RCAN2: variants seen among roughly 807,000 people sequenced by gnomAD.
The protein encoded by RCAN2 is calcipressin-2.
RCAN2 carries 9 observed loss-of-function variants against 23.6 expected under a neutral mutation model. That is an observed-to-expected ratio of 0.38 (90% CI 0.23 to 0.67). The LOEUF (loss-of-function observed/expected upper bound fraction) is 0.67. Among genes scored for constraint, RCAN2 ranks in the 30% least tolerant of loss-of-function variants. RCAN2 has a pLI of 0.51. For missense variants in RCAN2, 273 were observed against 302.3 expected (o/e 0.90, Z 0.72); for synonymous variants, 109 against 115.7 (o/e 0.94, Z 0.37).
At chr6:46,371,652 A>G (rs1187185309) in intron 2 of RCAN2, among the ~76,000 whole-genome samples, 1 of 152,270 alleles carries the variant, frequency 6.6e-6, no homozygotes, top group Admixed American at 6.5e-5. Flanking sequence ...TGAAGGCTAG[A>G]TGCCCATAGT....
Position 46,420,160 on chromosome 6 carries a change from C to T in RCAN2, c.225+36592G>A, listed in dbSNP as rs145114132. Among the ~76,000 whole-genome samples, 801 of 151,562 alleles carry T rather than the reference C, an allele frequency of 5.3e-3. 7 individuals carry two copies. Among genetic ancestry groups the T allele is most frequent in the African/African-American group, 0.018 (756 of 41,310 alleles). The stretch of plus-strand genomic sequence containing the variant: ...AACAGAGTACAGATTATAAGCCATA[C>T]AACCCTCACATTAAAAAAAAAAACA... On this transcript the variant is annotated intron_variant, in intron 2 of 4. Coordinates refer to ENST00000371374, the MANE Select transcript of RCAN2 (RefSeq NM_001251974.2).
rs1301995929 is a variant in RCAN2 at position 46,224,644 on chromosome 6, G to GAATCTGCTATTCT, written c.572-1356_572-1344dup. On this transcript the variant is annotated intron_variant, in intron 4 of 4. Transcript: ENST00000371374. ...CAAAGCTAGACCCGATGCAGCCCAG[G>GAATCTGCTATTCT]AATCTGCTATTCTCAGTCTAAGTGC... Among the ~76,000 whole-genome samples, 14 of 152,276 alleles carry GAATCTGCTATTCT rather than the reference G, an allele frequency of 9.2e-5. No individual in the cohort carries two copies. In the East Asian group the frequency reaches 2.1e-3, roughly 23 times the overall value.
At chr6:46,383,070 G>T (rs1450138068) in intron 2 of RCAN2, among the ~76,000 whole-genome samples, 1 of 151,972 alleles carries the variant, frequency 6.6e-6, no homozygotes, top group Non-Finnish European at 1.5e-5. Context: ...ATTTCTATCA[G>T]GAACTTGAAC....
intron 2 of RCAN2, chr6:46,438,474 T>C (rs1767435086): frequency 6.6e-6 from 1 of 152,114 alleles, no homozygotes; most frequent in African/African-American, 2.4e-5. Context: ...GAGTGACACA[T>C]CATGGAGCTC....
intron 2 of RCAN2, among the ~76,000 whole-genome samples, chr6:46,334,770 C>G (rs1375217892): frequency 6.6e-6 from 1 of 152,196 alleles, no homozygotes; most frequent in African/African-American, 2.4e-5. Context: ...AGATACCTTA[C>G]AGCTAATCAC....
rs752295755 is a variant in RCAN2 at position 46,444,497 on chromosome 6, T to C, written c.225+12255A>G. Among the ~76,000 whole-genome samples, 6 of 152,262 alleles carry C rather than the reference T, an allele frequency of 3.9e-5. No homozygotes were observed. The South Asian group carries it at 8.3e-4, about 21-fold the overall frequency. ...GCTCTAGTCATCATGCTGGTACCCATGGACTCAGCATCCAGGCAAGCACCT... is the reference window on the plus strand; with the variant it reads ...GCTCTAGTCATCATGCTGGTACCCACGGACTCAGCATCCAGGCAAGCACCT... On this transcript the variant is annotated intron_variant, in intron 2 of 4. Coordinates refer to ENST00000371374, the MANE Select transcript of RCAN2 (RefSeq NM_001251974.2).
intron 2 of RCAN2, among the ~76,000 whole-genome samples, chr6:46,271,074 A>C (rs965818958): frequency 1.6e-4 from 25 of 152,322 alleles, no homozygotes; most frequent in African/African-American, 4.8e-4. Flanking sequence ...TTTTGGGGCA[A>C]TTTGCTACCT....
chr6:46,227,101 A>G (rs1197851532), intron 4 of RCAN2, among the ~76,000 whole-genome samples: 1 of 152,096 alleles, frequency 6.6e-6, no homozygotes, highest in Non-Finnish European at 1.5e-5. Context: ...ATTGATTTGC[A>G]CATGTTGAAC....
At chr6:46,317,666 C>T (rs970754235) in intron 2 of RCAN2, among the ~76,000 whole-genome samples, 4 of 152,048 alleles carry the variant, frequency 2.6e-5, no homozygotes, top group Admixed American at 6.6e-5. Context: ...GGGGTTTCAC[C>T]GTGTTAGCCA....
chr6:46,390,926 C>T (rs1765913942), intron 2 of RCAN2, among the ~76,000 whole-genome samples: 1 of 152,140 alleles, frequency 6.6e-6, no homozygotes, highest in African/African-American at 2.4e-5. Flanking sequence ...ACTTGGGTAT[C>T]ACAGCAGCCA....
intron 2 of RCAN2, among the ~76,000 whole-genome samples, chr6:46,430,584 T>C (rs1767167951): frequency 6.6e-6 from 1 of 152,186 alleles, no homozygotes; most frequent in Non-Finnish European, 1.5e-5. Flanking sequence ...ATGCACTCAC[T>C]TTTATAATTT....
Position 46,231,099 on chromosome 6 carries a change from T to C in RCAN2, c.572-7798A>G, listed in dbSNP as rs780185887. ...CTAGTAGCTGTGAAAGTAACTTTAT[T>C]TGGACCTAAGGTCTTTGCAGATGAT... On this transcript the variant is annotated intron_variant, in intron 4 of 4. Coordinates refer to ENST00000371374, the MANE Select transcript of RCAN2 (RefSeq NM_001251974.2). Among the ~76,000 whole-genome samples, 141 of 152,274 alleles carry C rather than the reference T, an allele frequency of 9.3e-4. 1 individual carries two copies. The highest frequency in any genetic ancestry group is 1.9e-3 in the South Asian group (9 of 4,816).
intron 4 of RCAN2, among the ~76,000 whole-genome samples, chr6:46,242,663 T>C (rs1766348498): frequency 6.6e-6 from 1 of 152,210 alleles, no homozygotes; most frequent in South Asian, 2.1e-4. Flanking sequence ...CAATTAGTTA[T>C]AATTTGTTAC....
chr6:46,321,600 A>G (rs192546079), intron 2 of RCAN2, among the ~76,000 whole-genome samples: 37 of 152,330 alleles, frequency 2.4e-4, no homozygotes, highest in Admixed American at 1.0e-3. Flanking sequence ...CAATCTAGAG[A>G]GAAGGAACCC....
chr6:46,451,429 A>G (rs1330561359), intron 2 of RCAN2, among the ~76,000 whole-genome samples: 1 of 152,170 alleles, frequency 6.6e-6, no homozygotes, highest in Non-Finnish European at 1.5e-5. Context: ...GTCAGATTTT[A>G]ATGAAGTGAT....
intron 2 of RCAN2, among the ~76,000 whole-genome samples, chr6:46,269,201 T>A (rs1314957936): frequency 6.6e-6 from 1 of 152,232 alleles, no homozygotes; most frequent in Non-Finnish European, 1.5e-5. Context: ...ATCTATTATC[T>A]GTTTTTCTTT....
At chr6:46,333,795 A>G (rs1193255890) in intron 2 of RCAN2, among the ~76,000 whole-genome samples, 2 of 152,226 alleles carry the variant, frequency 1.3e-5, no homozygotes, top group Non-Finnish European at 2.9e-5. Flanking sequence ...CATTGTCTGA[A>G]TCAATGCCTT....
At position 46,342,931 on chromosome 6, in the gene RCAN2, A is replaced by T. The variant is rs144530246; in HGVS notation, c.226-94035T>A. Reference sequence around the variant, plus strand: ...AGAGATCTGTGGGACAATATAAAGTATTCTAAATATGTATAATTAGAGTCT... The same window carrying T: ...AGAGATCTGTGGGACAATATAAAGTTTTCTAAATATGTATAATTAGAGTCT... On this transcript the variant is annotated intron_variant, in intron 2 of 4. Coordinates refer to ENST00000371374, the MANE Select transcript of RCAN2 (RefSeq NM_001251974.2). Among the ~76,000 whole-genome samples the T allele has an allele frequency of 6.4e-3, 970 of 152,330 alleles. 7 individuals carry two copies. The highest frequency in any genetic ancestry group is 0.022 in the African/African-American group (932 of 41,586).
chr6:46,225,039 T>G (rs1453851088), intron 4 of RCAN2, among the ~76,000 whole-genome samples: 2 of 151,822 alleles, frequency 1.3e-5, no homozygotes, highest in African/African-American at 4.8e-5. Flanking sequence ...GGTGTTTGGC[T>G]TTCTGTCCTT....
Sources: allele counts gnomAD v4.1 joint callset (sites outside exome capture counted in the v4.1 genomes callset), GRCh38; gene constraint gnomAD v4.1.1; transcripts MANE v1.5; gene names NCBI Gene and HGNC (gene_info 2026-07-23, HGNC 2026-07-21).